ARID2: variants seen among roughly 807,000 people sequenced by gnomAD.
The protein encoded by ARID2 is AT-rich interaction domain 2.
In ARID2, 32 loss-of-function variants were observed where a neutral mutation model predicts 184.6. The observed-to-expected ratio is 0.17, with a 90% CI of 0.13 to 0.23. ARID2 has a LOEUF of 0.23. ARID2 is among the 10% of genes least tolerant of loss of function. ARID2 has a pLI of 1.00. For synonymous variants in ARID2, 836 were observed against 772.6 expected (o/e 1.08, Z -1.36); for missense variants, 1,696 against 2,197.6 (o/e 0.77, Z 4.56).
chr12:45,770,271 C>T (rs1005931597), intron 3 of ARID2, among the ~76,000 whole-genome samples: 1 of 151,584 alleles, frequency 6.6e-6, no homozygotes, highest in Non-Finnish European at 1.5e-5. Flanking sequence ...AAACAAAAAA[C>T]AAGAAGGCAA....
intron 20 of ARID2, 117 bp from the exon 21 acceptor site, chr12:45,904,817 T>G (rs1944502878): frequency 1.0e-6 from 1 of 987,698 alleles, no homozygotes; most frequent in African/African-American, 1.6e-5. Flanking sequence ...TATTAACATT[T>G]ACGGGGTGTG....
intron 3 of ARID2, among the ~76,000 whole-genome samples, chr12:45,784,226 G>A (rs1015311350): frequency 9.2e-5 from 14 of 151,676 alleles, no homozygotes; most frequent in African/African-American, 3.4e-4. Flanking sequence ...TTGCTGTGTG[G>A]CCCAGACTGG....
intron 5 of ARID2, among the ~76,000 whole-genome samples, chr12:45,819,902 C>T (rs1053810360): frequency 2.0e-5 from 3 of 151,990 alleles, no homozygotes; most frequent in Admixed American, 2.0e-4. Flanking sequence ...CACCACCACA[C>T]CTGGCTAATT....
At chr12:45,853,204 G>A (rs143840360) in intron 15 of ARID2, among the ~76,000 whole-genome samples, 455 of 152,188 alleles carry the variant, frequency 3.0e-3, no homozygotes, top group Non-Finnish European at 5.3e-3. Flanking sequence ...TCTCCTTTTT[G>A]AGTTTACTGC....
At chr12:45,875,669 G>A (rs545269542) in intron 16 of ARID2, among the ~76,000 whole-genome samples, 8 of 152,328 alleles carry the variant, frequency 5.3e-5, no homozygotes, top group African/African-American at 1.4e-4. Flanking sequence ...TCTGGATAAC[G>A]TGCTGCAGCT....
At chr12:45,885,727 T>G (rs1242481202) in intron 16 of ARID2, among the ~76,000 whole-genome samples, 1 of 152,196 alleles carries the variant, frequency 6.6e-6, no homozygotes, top group Non-Finnish European at 1.5e-5. Flanking sequence ...AAACATGTCC[T>G]TCTTCACATG....
At chr12:45,891,983 A>AT in intron 17 of ARID2, 28 bp from the exon 18 acceptor site, 2 of 1,614,080 alleles carry the variant, frequency 1.2e-6, no homozygotes. Context: ...TTGACGTGCC[A>AT]TTCTCTTGCT....
chr12:45,738,779 CTTTTTTT>C (rs11333868), intron 3 of ARID2, among the ~76,000 whole-genome samples: 22 of 62,294 alleles, frequency 3.5e-4, no homozygotes, highest in East Asian at 2.3e-3. Flanking sequence ...ATATGGGCTA[CTTTTTTT>C]TTTTTTTTTT....
intron 6 of ARID2, among the ~76,000 whole-genome samples, chr12:45,830,018 T>C (rs1395433733): frequency 3.3e-5 from 5 of 149,784 alleles, no homozygotes; most frequent in Admixed American, 2.7e-4. Context: ...TTTTATGTTT[T>C]TAATAATTTT....
At chr12:45,798,215 T>C (rs1942428294) in intron 3 of ARID2, among the ~76,000 whole-genome samples, 1 of 152,172 alleles carries the variant, frequency 6.6e-6, no homozygotes, top group South Asian at 2.1e-4. Flanking sequence ...CGTGTTTTTT[T>C]TTTCCAGTAT....
chr12:45,846,734 T>G (rs1323275449), intron 11 of ARID2, 122 bp from the exon 12 acceptor site: 1 of 755,982 alleles, frequency 1.3e-6, no homozygotes, highest in Non-Finnish European at 2.1e-6. Flanking sequence ...TACTTTCATA[T>G]GTTTATACAC....
chr12:45,898,482 AAAGG>A (rs1418962655), intron 20 of ARID2, among the ~76,000 whole-genome samples: 1 of 152,232 alleles, frequency 6.6e-6, no homozygotes, highest in African/African-American at 2.4e-5. Context: ...AAAACACAAC[AAAGG>A]AAGGATTTGG....
chr12:45,747,410 T>C (rs1271580177), intron 3 of ARID2, among the ~76,000 whole-genome samples: 1 of 152,144 alleles, frequency 6.6e-6, no homozygotes, highest in Non-Finnish European at 1.5e-5. Context: ...AATTAGAGTT[T>C]AGTTTTGTGA....
intron 20 of ARID2, among the ~76,000 whole-genome samples, chr12:45,904,687 C>G (rs1206267227): frequency 2.3e-5 from 2 of 87,934 alleles, no homozygotes; most frequent in Non-Finnish European, 3.8e-5. Context: ...GAGACTCCTT[C>G]TCAAAAAAAA....
chr12:45,751,260 A>G lies in ARID2; in HGVS notation c.284+19946A>G, dbSNP rs367838547. Among the ~76,000 whole-genome samples the G allele has an allele frequency of 1.2e-4, 18 of 152,322 alleles. No homozygotes were observed. The East Asian group carries it at 2.3e-3, about 20-fold the overall frequency. On this transcript the variant is annotated intron_variant, in intron 3 of 20. Coordinates refer to ENST00000334344, the MANE Select transcript of ARID2 (RefSeq NM_152641.4). ...GGAGAGAAAGGAGCAAACCAGGTGG[A>G]TATTTGGGATAAGAATGAACAAACA... is the stretch of plus-strand genomic sequence containing the variant.
At chr12:45,888,236 C>A (rs1254457852) in intron 16 of ARID2, among the ~76,000 whole-genome samples, 1 of 150,594 alleles carries the variant, frequency 6.6e-6, no homozygotes. Context: ...CTTATTTTTT[C>A]AGTAATAAGC....
At chr12:45,786,581 G>C (rs776420000) in intron 3 of ARID2, among the ~76,000 whole-genome samples, 1 of 152,132 alleles carries the variant, frequency 6.6e-6, no homozygotes, top group Non-Finnish European at 1.5e-5. Flanking sequence ...TAGTATGGAG[G>C]TTCCTCAAAA....
intron 3 of ARID2, among the ~76,000 whole-genome samples, chr12:45,807,738 C>G (rs1194061627): frequency 1.3e-5 from 2 of 152,112 alleles, no homozygotes. Flanking sequence ...TGAATTGATA[C>G]ATGATCAGTT....
rs755082232 is a variant in ARID2, at chr12:45,904,388, T to C, written c.5364-546T>C. 4.2e-6 allele frequency: 3 copies of C among 715,208 alleles called. No individual in the cohort carries two copies. In the South Asian group the frequency reaches 4.5e-5, roughly 11 times the overall value. 44.3% of individuals were successfully genotyped at this position (715,208 alleles called of 1,614,324 possible). On this transcript the variant is annotated intron_variant, in intron 20 of 20. Coordinates refer to ENST00000334344, the MANE Select transcript of ARID2 (RefSeq NM_152641.4). ...AAGAATTTTGCTGTGCAGCCTTCCA[T>C]ATTTAGAAAGGTACTATGGAGAGGC...
Sources: gnomAD v4.1 joint callset for allele counts (sites outside exome capture counted in the v4.1 genomes callset) on GRCh38, gnomAD v4.1.1 for gene constraint, MANE v1.5 for transcripts, NCBI Gene and HGNC (gene_info 2026-07-23, HGNC 2026-07-21) for gene names.